Variants in TRERF1 observed in about 807,000 individuals in gnomAD.
TRERF1 encodes transcriptional regulating factor 1, also known as transcriptional-regulating factor 1.
Under a neutral mutation model 122.9 loss-of-function variants are expected in TRERF1, and 27 were observed. That is an observed-to-expected ratio of 0.22 (90% confidence interval 0.16 to 0.30). TRERF1 has a LOEUF of 0.30. Among genes scored for constraint, TRERF1 ranks in the 10% least tolerant of loss-of-function variants. The pLI is 1.00. For synonymous variants in TRERF1, 636 were observed against 641.7 expected (o/e 0.99, Z 0.13); for missense variants, 1,248 against 1,560.3 (o/e 0.80, Z 3.37).
chr6:42,326,067 A>G (rs941190118), intron 3 of TRERF1, among the ~76,000 whole-genome samples: 1 of 152,170 alleles, frequency 6.6e-6, no homozygotes, highest in Non-Finnish European at 1.5e-5. Flanking sequence ...ATTGGGTACT[A>G]TGTTCACTAC....
intron 3 of TRERF1, among the ~76,000 whole-genome samples, chr6:42,320,128 T>C (rs1371503085): frequency 1.3e-5 from 2 of 152,044 alleles, no homozygotes; most frequent in Non-Finnish European, 2.9e-5. Context: ...CTCGAACTCC[T>C]GACCTCAAAT....
chr6:42,265,518 T>C (rs1470423552), intron 6 of TRERF1, among the ~76,000 whole-genome samples: 1 of 152,232 alleles, frequency 6.6e-6, no homozygotes, highest in African/African-American at 2.4e-5. Flanking sequence ...TAACAATTAT[T>C]GAGTGCTTAC....
At chr6:42,333,388 T>C (rs1018481345) in intron 3 of TRERF1, among the ~76,000 whole-genome samples, 11 of 152,180 alleles carry the variant, frequency 7.2e-5, no homozygotes, top group Non-Finnish European at 1.2e-4. Context: ...TCATGAGACA[T>C]GAGTCGGACA....
intron 15 of TRERF1, among the ~76,000 whole-genome samples, chr6:42,237,860 T>C (rs1772608569): frequency 6.6e-6 from 1 of 152,220 alleles, no homozygotes; most frequent in South Asian, 2.1e-4. Flanking sequence ...ATTGTCCTTA[T>C]TTAATATCAC....
chr6:42,317,552 A>C (rs1442788399), intron 3 of TRERF1, among the ~76,000 whole-genome samples: 1 of 151,880 alleles, frequency 6.6e-6, no homozygotes, highest in Non-Finnish European at 1.5e-5. Context: ...ACAGGGTCTC[A>C]TTTTGTTGCC....
In TRERF1 at chr6:42,263,887, C is replaced by T. The variant is rs1034251189; in HGVS notation, c.1636-319G>A. Among the ~76,000 whole-genome samples the T allele has an allele frequency of 2.0e-5, 3 of 152,258 alleles. No homozygotes were observed. Among genetic ancestry groups the T allele is most frequent in the Non-Finnish European group, 2.9e-5 (2 of 68,022 alleles). On this transcript the variant is annotated intron_variant, in intron 7 of 17. Coordinates refer to ENST00000372922, the Ensembl canonical transcript of TRERF1. This position sits in a 1 kb window ranked among gnomAD's most constrained non-coding sequence, Gnocchi z 5.6. Reference sequence around the variant, plus strand: ...CTTGTAATCAGTCCAAAAGAAGGTACGATCTTGTGTAGGAGTTTTTAATTC... The same window carrying T: ...CTTGTAATCAGTCCAAAAGAAGGTATGATCTTGTGTAGGAGTTTTTAATTC...
At chr6:42,377,055 G>A (rs753238984) in intron 2 of TRERF1, among the ~76,000 whole-genome samples, 10 of 151,266 alleles carry the variant, frequency 6.6e-5, no homozygotes, top group Non-Finnish European at 1.0e-4. Flanking sequence ...TAGTAGAGAC[G>A]GGGTTTCACC....
intron 16 of TRERF1, among the ~76,000 whole-genome samples, chr6:42,234,748 G>A (rs1050554978): frequency 2.6e-5 from 4 of 152,160 alleles, no homozygotes; most frequent in Non-Finnish European, 5.9e-5. Context: ...TTTTTCCACT[G>A]TGATTTTTAA....
At chr6:42,262,502 A>G (rs1264596388) in intron 8 of TRERF1, among the ~76,000 whole-genome samples, 11 of 20,418 alleles carry the variant, frequency 5.4e-4, no homozygotes, top group South Asian at 2.6e-3. Context: ...AGAGAGAGAG[A>G]GAGAGAGAGA....
In TRERF1 at chr6:42,263,237, G is replaced by A; in HGVS notation, c.1884+83C>T. 2.0e-6 allele frequency: 3 copies of A among 1,500,154 alleles called. No individual in the cohort carries two copies. Among genetic ancestry groups the A allele is most frequent in the Non-Finnish European group, 2.7e-6 (3 of 1,118,232 alleles). The allele number at this position is 1,500,154 out of a possible 1,614,324, so 92.9% of individuals were successfully genotyped here. A position where few individuals can be genotyped will look rare whatever the true frequency, so the allele number is the denominator to read the frequency against. On this transcript the variant is annotated intron_variant, in intron 8 of 17. Coordinates refer to ENST00000372922, the Ensembl canonical transcript of TRERF1. This position sits in a 1 kb window ranked among gnomAD's most constrained non-coding sequence, Gnocchi z 5.6. ...GCAAAGGGATGTCCCCACCCAGGCA[G>A]GTGGGGCAGAGCAGCAACTCACAGC...
At chr6:42,423,617 T>C (rs1478892376) in intron 2 of TRERF1, among the ~76,000 whole-genome samples, 5 of 152,152 alleles carry the variant, frequency 3.3e-5, no homozygotes, top group Admixed American at 1.3e-4. Context: ...TCTGCATTTG[T>C]AGTGATCAAA....
At chr6:42,281,117 G>A (rs73733144) in intron 4 of TRERF1, among the ~76,000 whole-genome samples, 2,977 of 152,174 alleles carry the variant, frequency 0.02, 111 homozygotes, top group African/African-American at 0.066. Flanking sequence ...TGCTCCCCTG[G>A]GAAGCCCCCA....
chr6:42,442,046 T>C (rs1156924292), intron 2 of TRERF1, among the ~76,000 whole-genome samples: 2 of 152,174 alleles, frequency 1.3e-5, no homozygotes, highest in Admixed American at 6.5e-5. Context: ...CCTTACTTAC[T>C]GTGGCTCCCC....
chr6:42,349,955 A>G (rs940715220), intron 3 of TRERF1, among the ~76,000 whole-genome samples: 1 of 152,210 alleles, frequency 6.6e-6, no homozygotes, highest in African/African-American at 2.4e-5. Flanking sequence ...ACTACAATTA[A>G]AAGTGGTGCA....
At chr6:42,289,626 TG>T (rs1175691653) in intron 4 of TRERF1, among the ~76,000 whole-genome samples, 1 of 152,204 alleles carries the variant, frequency 6.6e-6, no homozygotes, top group Non-Finnish European at 1.5e-5. Context: ...GATTGTTTTT[TG>T]GAGAGAGAAC....
intron 4 of TRERF1, among the ~76,000 whole-genome samples, chr6:42,298,650 CA>C (rs1463815613): frequency 1.3e-5 from 2 of 150,100 alleles, no homozygotes; most frequent in African/African-American, 2.5e-5. Flanking sequence ...ACTTAAAATA[CA>C]AAAATTGGTG....
At chr6:42,256,031 TGAG>T (rs1331990798) in intron 12 of TRERF1, among the ~76,000 whole-genome samples, 1 of 149,920 alleles carries the variant, frequency 6.7e-6, no homozygotes, top group Non-Finnish European at 1.5e-5. Context: ...CTAGGAAGGC[TGAG>T]GAGGGAGAAT....
At chr6:42,262,517 GA>G (rs1778275272) in intron 8 of TRERF1, among the ~76,000 whole-genome samples, 1 of 29,288 alleles carries the variant, frequency 3.4e-5, no homozygotes, top group Non-Finnish European at 7.1e-5. Flanking sequence ...GAGAGAGAGA[GA>G]GAGAGAGAGA....
chr6:42,335,116 C>A (rs1765914064), intron 3 of TRERF1, among the ~76,000 whole-genome samples: 1 of 152,188 alleles, frequency 6.6e-6, no homozygotes, highest in Non-Finnish European at 1.5e-5. Context: ...TTTATGAGAT[C>A]AGCTATGGAG....
Sources: allele counts gnomAD v4.1 joint callset (sites outside exome capture counted in the v4.1 genomes callset), GRCh38; gene constraint gnomAD v4.1.1; non-coding constraint Gnocchi (gnomAD v3.1); transcripts MANE v1.5; gene names NCBI Gene and HGNC (gene_info 2026-07-23, HGNC 2026-07-21).